CDH13: variants seen among roughly 807,000 people sequenced by gnomAD.
CDH13 encodes cadherin 13.
CDH13 carries 24 observed loss-of-function variants against 63.8 expected under a neutral mutation model. That is an observed-to-expected ratio of 0.38 (90% CI 0.27 to 0.53). The LOEUF is 0.53. CDH13 is among the 20% of genes least tolerant of loss of function. The pLI is 0.85. For synonymous variants in CDH13, 503 were observed against 355.3 expected (o/e 1.42, Z -4.67); for missense variants, 1,049 against 903.1 (o/e 1.16, Z -2.07).
intron 11 of CDH13, among the ~76,000 whole-genome samples, chr16:83,776,140 G>A (rs1030665162): frequency 6.6e-6 from 1 of 152,104 alleles, no homozygotes; most frequent in African/African-American, 2.4e-5. Context: ...AGCCTGGCCT[G>A]GGAATAACAC....
chr16:83,257,133 G>A (rs540934093), intron 5 of CDH13, among the ~76,000 whole-genome samples: 1 of 152,228 alleles, frequency 6.6e-6, no homozygotes, highest in East Asian at 1.9e-4. Flanking sequence ...GTTGGGGGAT[G>A]GAGGAAGGTT....
intron 6 of CDH13, among the ~76,000 whole-genome samples, chr16:83,391,952 A>G (rs575243387): frequency 6.6e-6 from 1 of 152,286 alleles, no homozygotes; most frequent in South Asian, 2.1e-4. Flanking sequence ...AAGACTGTTT[A>G]TCAGGGTCAT....
chr16:83,390,901 G>A (rs1164950813), intron 6 of CDH13, among the ~76,000 whole-genome samples: 1 of 152,236 alleles, frequency 6.6e-6, no homozygotes, highest in East Asian at 1.9e-4. Context: ...ATCCACTGGA[G>A]CTGACCTCTT....
intron 4 of CDH13, among the ~76,000 whole-genome samples, chr16:83,172,447 C>T (rs191710845): frequency 6.6e-4 from 100 of 151,942 alleles, no homozygotes; most frequent in African/African-American, 2.3e-3. Context: ...GCTGAGATCA[C>T]GCCATTGCAC....
intron 2 of CDH13, chr16:82,990,418 T>C (rs1238477229): frequency 6.6e-6 from 1 of 152,210 alleles, no homozygotes. Flanking sequence ...GCCCATCTTG[T>C]GATGGGCTGG....
At chr16:83,596,697 T>A (rs1055392172) in intron 7 of CDH13, among the ~76,000 whole-genome samples, 3 of 152,026 alleles carry the variant, frequency 2.0e-5, no homozygotes, top group Non-Finnish European at 4.4e-5. Context: ...GGGAAGTAGG[T>A]CAGAGGCAAG....
chr16:83,793,866 G>C (rs1390627950), intron 13 of CDH13, among the ~76,000 whole-genome samples: 1 of 152,222 alleles, frequency 6.6e-6, no homozygotes, highest in East Asian at 1.9e-4. Context: ...ATTTTGAGAT[G>C]GGGAGAGTAT....
chr16:83,381,958 G>T (rs4782784), intron 6 of CDH13, among the ~76,000 whole-genome samples: 97,353 of 151,988 alleles, frequency 0.64, 32,256 homozygotes, highest in East Asian at 0.76. Flanking sequence ...ACTTACCGAG[G>T]GCCTAGTTCA....
At chr16:83,265,909 A>G (rs1170915023) in intron 5 of CDH13, among the ~76,000 whole-genome samples, 3 of 151,890 alleles carry the variant, frequency 2.0e-5, no homozygotes, top group East Asian at 3.9e-4. Flanking sequence ...GGACTCCACC[A>G]TCAGTATCTG....
At chr16:83,753,084 G>A (rs1336286034) in intron 11 of CDH13, among the ~76,000 whole-genome samples, 1 of 152,114 alleles carries the variant, frequency 6.6e-6, no homozygotes, top group African/African-American at 2.4e-5. Flanking sequence ...CCATCGTTAG[G>A]AATAATAATC....
chr16:83,145,090 A>G (rs1044587575), intron 4 of CDH13, among the ~76,000 whole-genome samples: 1 of 152,204 alleles, frequency 6.6e-6, no homozygotes, highest in African/African-American at 2.4e-5. Context: ...TTGGGTCTCC[A>G]TCCATATGCT....
At chr16:83,094,896 A>G (rs1050075851) in intron 3 of CDH13, among the ~76,000 whole-genome samples, 2 of 152,230 alleles carry the variant, frequency 1.3e-5, no homozygotes, top group African/African-American at 2.4e-5. Context: ...CTCAATCACA[A>G]TTAACTCTGT....
chr16:83,712,196 A>G (rs1175433105), intron 10 of CDH13, among the ~76,000 whole-genome samples: 4 of 152,216 alleles, frequency 2.6e-5, no homozygotes, highest in Non-Finnish European at 2.9e-5. Flanking sequence ...TTGGGGAAAC[A>G]CAATTCAGAC....
At chr16:83,213,009 G>A (rs1339345517) in intron 4 of CDH13, among the ~76,000 whole-genome samples, 1 of 152,168 alleles carries the variant, frequency 6.6e-6, no homozygotes. Flanking sequence ...GGCTGTGGGT[G>A]TTTCTTCAAA....
At chr16:83,397,109 A>C in intron 6 of CDH13, among the ~76,000 whole-genome samples, 1 of 148,834 alleles carries the variant, frequency 6.7e-6, no homozygotes. Context: ...CCTTACCCCC[A>C]CTCCCCAGCA....
intron 3 of CDH13, among the ~76,000 whole-genome samples, chr16:83,054,061 A>G (rs1037155829): frequency 6.6e-6 from 1 of 152,228 alleles, no homozygotes. Flanking sequence ...TATTCAGCAC[A>G]GTAACATACT....
intron 12 of CDH13, among the ~76,000 whole-genome samples, chr16:83,781,556 C>T (rs182745017): frequency 6.6e-6 from 1 of 151,784 alleles, no homozygotes; most frequent in East Asian, 1.9e-4. Flanking sequence ...TTTTTTAGTG[C>T]CTTTTGCTTG....
intron 1 of CDH13, among the ~76,000 whole-genome samples, chr16:82,831,970 A>G (rs761024550): frequency 2.6e-5 from 4 of 152,250 alleles, no homozygotes; most frequent in East Asian, 1.9e-4. Flanking sequence ...CACATGGAAT[A>G]TGATAGCTGT....
chr16:82,949,099 T>TA (rs1905039412), intron 2 of CDH13, among the ~76,000 whole-genome samples: 1 of 152,210 alleles, frequency 6.6e-6, no homozygotes. Flanking sequence ...ATTAGTTTCT[T>TA]AGGGCTGACA....
Sources: allele counts gnomAD v4.1 joint callset (sites outside exome capture counted in the v4.1 genomes callset), GRCh38; gene constraint gnomAD v4.1.1; transcripts MANE v1.5; gene names NCBI Gene and HGNC (gene_info 2026-07-23, HGNC 2026-07-21).